The following CFAP206 variants were observed in gnomAD, a reference collection of about 807,000 sequenced individuals.
CFAP206 encodes the protein cilia- and flagella-associated protein 206.
In CFAP206, 53 loss-of-function variants were observed where a neutral mutation model predicts 65.4. The ratio of observed to expected loss-of-function variants is 0.81; its 90% CI spans 0.65 to 1.02. The LOEUF (loss-of-function observed/expected upper bound fraction) is 1.02, where lower values mean the gene tolerates loss of function less well. CFAP206 is among the 50% of genes least tolerant of loss of function. The pLI is 0.00. For synonymous variants in CFAP206, 250 were observed against 254.4 expected, an observed-to-expected ratio of 0.98 and a Z score of 0.17; for missense variants, 663 against 753.2, an observed-to-expected ratio of 0.88 and a Z score of 1.40.
chr6:87,445,950 C>T (rs2127955121), intron 11 of CFAP206, among the ~76,000 whole-genome samples: 1 of 152,166 alleles, frequency 6.6e-6, no homozygotes, highest in East Asian at 1.9e-4. Flanking sequence ...TTTCTCTAAT[C>T]AATGATATTG....
chr6:87,461,549 C>T (rs1768749521), intron 12 of CFAP206, among the ~76,000 whole-genome samples: 1 of 151,968 alleles, frequency 6.6e-6, no homozygotes, highest in South Asian at 2.1e-4. Flanking sequence ...ACCCTGGGCA[C>T]TCTCATCCTT....
intron 11 of CFAP206, among the ~76,000 whole-genome samples, chr6:87,452,073 G>A (rs997821197): frequency 6.6e-6 from 1 of 152,174 alleles, no homozygotes; most frequent in Non-Finnish European, 1.5e-5. Context: ...GTACAAGGGG[G>A]TGCTTGCATC....
At chr6:87,426,440 TGTGGGGAGC>T (rs1181669999) in intron 7 of CFAP206, 77 bp from the exon 8 acceptor site, 1 of 949,352 alleles carries the variant, frequency 1.1e-6, no homozygotes, top group Non-Finnish European at 1.5e-6. Flanking sequence ...TTTCAGAGGA[TGTGGGGAGC>T]AGGTATGGTC....
chr6:87,431,845 G>C (rs1768164847), intron 10 of CFAP206, among the ~76,000 whole-genome samples: 1 of 152,154 alleles, frequency 6.6e-6, no homozygotes, highest in South Asian at 2.1e-4. Context: ...ACACTTATTT[G>C]ACATGTTTGT....
intron 7 of CFAP206, among the ~76,000 whole-genome samples, chr6:87,419,616 C>G (rs188778242): frequency 6.6e-6 from 1 of 152,300 alleles, no homozygotes; most frequent in Admixed American, 6.5e-5. Context: ...GTGGAACTGT[C>G]TTTTGTATGA....
chr6:87,462,010 T>C (rs1455932073), intron 12 of CFAP206, among the ~76,000 whole-genome samples: 2 of 152,190 alleles, frequency 1.3e-5, no homozygotes, highest in African/African-American at 2.4e-5. Flanking sequence ...GGGCATTTTA[T>C]GAGATTGGTT....
intron 4 of CFAP206, among the ~76,000 whole-genome samples, chr6:87,415,009 A>G (rs1330614685): frequency 4.6e-5 from 7 of 152,154 alleles, no homozygotes; most frequent in African/African-American, 1.7e-4. Context: ...TTGACCTTGT[A>G]ATAGTAATAT....
Position 87,418,337 on chromosome 6 carries a change from G to A in CFAP206, c.761G>A (p.Arg254Lys). 2 of 1,614,118 alleles carry A rather than the reference G, an allele frequency of 1.2e-6. No homozygotes were observed. The highest frequency in any genetic ancestry group is 1.7e-6 in the Non-Finnish European group (2 of 1,180,022). The change falls in exon 7 of 13, where the codon AGG becomes AAG. Residue 254 changes from arginine to lysine, a missense_variant. Transcript: ENST00000369562. Reference sequence around the variant, plus strand: ...AAGGCAGCCAACGACCCACTCATGAGGGCTGAACTTCAGCCATATATGTTA... The same window carrying A: ...AAGGCAGCCAACGACCCACTCATGAAGGCTGAACTTCAGCCATATATGTTA... ...LEKAANDPLMRAELQPYMLKE... is the reference protein window; with the variant it reads ...LEKAANDPLMKAELQPYMLKE...
chr6:87,429,214 G>A (rs939056976), intron 9 of CFAP206, among the ~76,000 whole-genome samples: 1 of 148,844 alleles, frequency 6.7e-6, no homozygotes, highest in Non-Finnish European at 1.5e-5. Flanking sequence ...GTGACAGAGT[G>A]AGACTCCATC....
intron 5 of CFAP206, 56 bp from the exon 6 acceptor site, chr6:87,416,613 T>A (rs1767833540): frequency 4.7e-6 from 7 of 1,488,626 alleles, no homozygotes; most frequent in Non-Finnish European, 6.3e-6. Context: ...ATTTAACGTC[T>A]GATATCTTTA....
At chr6:87,434,160 G>A (rs994796949) in intron 10 of CFAP206, among the ~76,000 whole-genome samples, 2 of 151,940 alleles carry the variant, frequency 1.3e-5, no homozygotes, top group Non-Finnish European at 2.9e-5. Context: ...CCAGCACTTC[G>A]GGAGGCCGAA....
At chr6:87,463,919 A>G in intron 12 of CFAP206, 101 bp from the exon 13 acceptor site, 1 of 815,792 alleles carries the variant, frequency 1.2e-6, no homozygotes. Flanking sequence ...TTTCTTGTGG[A>G]TTGAAGACAA....
At chr6:87,454,627 T>G (rs770563983) in intron 11 of CFAP206, among the ~76,000 whole-genome samples, 1 of 151,842 alleles carries the variant, frequency 6.6e-6, no homozygotes, top group Non-Finnish European at 1.5e-5. Context: ...AGGCAGATCA[T>G]GAGGTCAGGA....
At chr6:87,409,683 CAGGAG>C (rs1767695561) in intron 1 of CFAP206, among the ~76,000 whole-genome samples, 147 bp from the exon 2 acceptor site, 1 of 151,936 alleles carries the variant, frequency 6.6e-6, no homozygotes, top group Non-Finnish European at 1.5e-5. Context: ...TAATGAAAAA[CAGGAG>C]AGGCCTAGAT....
intron 7 of CFAP206, among the ~76,000 whole-genome samples, chr6:87,418,825 T>C (rs1767885069): frequency 6.6e-6 from 1 of 152,116 alleles, no homozygotes; most frequent in Non-Finnish European, 1.5e-5. Flanking sequence ...TAAAGGTTTT[T>C]TGTAGGCCAG....
intron 5 of CFAP206, 91 bp downstream of exon 5, chr6:87,415,965 G>T (rs1767823793): frequency 8.5e-6 from 8 of 937,922 alleles, no homozygotes; most frequent in Middle Eastern, 4.9e-4. Flanking sequence ...GTTAAAGATT[G>T]AAGTTCCCTT....
chr6:87,415,934 A>C (rs529478903), intron 5 of CFAP206, 60 bp downstream of exon 5: 36 of 1,231,494 alleles, frequency 2.9e-5, no homozygotes, highest in Non-Finnish European at 3.7e-5. Flanking sequence ...TGTATTTTAT[A>C]AAACATGTTA....
In CFAP206 at chr6:87,416,797, T is replaced by G; in HGVS notation, c.601T>G (p.Cys201Gly). Reference protein sequence around the residue: ...VTGIRLFNRDCGKGGEGIDDL... With the variant: ...VTGIRLFNRDGGKGGEGIDDL... ...TGGAATTCGTTTATTTAACAGAGAC[T>G]GTGGAAAAGGAGGAGAAGGCATTGA... is the stretch of plus-strand genomic sequence containing the variant. The change falls in exon 6 of 13, where the codon TGT (cysteine) becomes GGT (glycine). Residue 201 changes from cysteine to glycine, a missense_variant. Physicochemically the swap from Cys to Gly is radical, Grantham distance 159 (BLOSUM62 -3). Transcript: ENST00000369562. 1 of 1,613,714 alleles carries G rather than the reference T, an allele frequency of 6.2e-7. No homozygotes were observed.
chr6:87,417,553 C>CT (rs11394813), intron 6 of CFAP206, among the ~76,000 whole-genome samples: 15,431 of 132,766 alleles, frequency 0.12, 898 homozygotes, highest in African/African-American at 0.14. Flanking sequence ...ACAAACGTTC[C>CT]TTTTTTTTTT....
Sources: gnomAD v4.1 joint callset for allele counts (sites outside exome capture counted in the v4.1 genomes callset) on GRCh38, gnomAD v4.1.1 for gene constraint, MANE v1.5 for transcripts, NCBI Gene and HGNC (gene_info 2026-07-23, HGNC 2026-07-21) for gene names.